L3MBTL2: variants seen among roughly 807,000 people sequenced by gnomAD.
L3MBTL2 encodes lethal(3)malignant brain tumor-like protein 2.
Under a neutral mutation model 86.4 loss-of-function variants are expected in L3MBTL2, and 49 were observed. The ratio of observed to expected loss-of-function variants is 0.57; its 90% CI spans 0.45 to 0.72. The LOEUF (loss-of-function observed/expected upper bound fraction) is 0.72, where lower values mean the gene tolerates loss of function less well. Ranked by LOEUF, L3MBTL2 falls within the 30% of genes least tolerant of loss-of-function variation. The pLI is 0.00. For missense variants in L3MBTL2, 755 were observed against 923.7 expected, an observed-to-expected ratio of 0.82 and a Z score of 2.37; for synonymous variants, 336 against 350.6, an observed-to-expected ratio of 0.96 and a Z score of 0.47.
At position 41,224,119 on chromosome 22, in the gene L3MBTL2, G is replaced by A; in HGVS notation, c.1042G>A (p.Val348Ile). Reference sequence around the variant, plus strand: ...CACTCGCATGGCTGTGGTGGACACAGTAATCGGGGGTCGCCTACGGCTCCT... The same window carrying A: ...CACTCGCATGGCTGTGGTGGACACAATAATCGGGGGTCGCCTACGGCTCCT... ...SRTRMAVVDT[V>I]IGGRLRLLYE... The change falls in exon 9 of 17, where the codon GTA becomes ATA. Residue 348 changes from valine to isoleucine, a missense_variant. Val to Ile is a conservative substitution (Grantham distance 29, BLOSUM62 3). Around this residue, in one of 3 missense-constraint regions of L3MBTL2, gnomAD observed 634 missense variants for 748.9 expected, o/e 0.85. Transcript: ENST00000216237. The surrounding 1 kb of genome is among the most constrained non-coding windows in gnomAD (Gnocchi z 4.9). 6.2e-7 allele frequency: 1 copy of A among 1,614,174 alleles called. No individual in the cohort carries two copies. The highest frequency in any genetic ancestry group is 8.5e-7 in the Non-Finnish European group (1 of 1,180,022).
chr22:41,211,573 T>TTTTTTTTTTTTTC (rs758875511), intron 2 of L3MBTL2, among the ~76,000 whole-genome samples: 6,666 of 138,116 alleles, frequency 0.048, 379 homozygotes, highest in East Asian at 0.12. Flanking sequence ...TTTTTTTTTT[T>TTTTTTTTTTTTTC]TGAGACGGAG....
intron 2 of L3MBTL2, 23 bp from the exon 3 acceptor site, chr22:41,213,870 C>T (rs1186864260): frequency 2.5e-6 from 4 of 1,613,492 alleles, no homozygotes; most frequent in East Asian, 4.5e-5. Flanking sequence ...TCGGGTGAGT[C>T]ATGTGCTAAG....
chr22:41,226,963 G>A, intron 13 of L3MBTL2, 126 bp from the exon 14 acceptor site: 1 of 843,258 alleles, frequency 1.2e-6, no homozygotes. Context: ...TCTAGAGGAA[G>A]CTGCCCCAGC....
At chr22:41,216,362 C>T (rs768630125) in intron 4 of L3MBTL2, 100 bp downstream of exon 4, 2 of 1,463,232 alleles carry the variant, frequency 1.4e-6, no homozygotes, top group Non-Finnish European at 1.8e-6. Context: ...GCAAACCGGC[C>T]AGGTAGAAAG....
chr22:41,230,073 T>TCGTCCCCCCC, intron 16 of L3MBTL2, 66 bp from the exon 17 acceptor site: 1 of 1,024,398 alleles, frequency 9.8e-7, no homozygotes, highest in South Asian at 1.4e-5. Context: ...CTTTCCCAGC[T>TCGTCCCCCCC]CCTCCGCCCC....
At chr22:41,209,644 C>A (rs2030550965) in intron 1 of L3MBTL2, 52 bp from the exon 2 acceptor site, 1 of 1,528,848 alleles carries the variant, frequency 6.5e-7, no homozygotes, top group Non-Finnish European at 9.0e-7. Context: ...TCCCCCCGTG[C>A]ACTAAAGCCA....
At chr22:41,220,663 A>C in intron 6 of L3MBTL2, 71 bp from the exon 7 acceptor site, 1 of 1,461,802 alleles carries the variant, frequency 6.8e-7, no homozygotes, top group African/African-American at 1.4e-5. Flanking sequence ...GTCTCAGAAA[A>C]AAAAAAAAAA....
intron 2 of L3MBTL2, among the ~76,000 whole-genome samples, chr22:41,210,866 A>T (rs1295334209): frequency 6.6e-6 from 1 of 152,218 alleles, no homozygotes; most frequent in Admixed American, 6.5e-5. Flanking sequence ...GCTTTTTTGT[A>T]TAAGTATACC....
At chr22:41,226,488 A>G (rs1210892361) in intron 12 of L3MBTL2, among the ~76,000 whole-genome samples, 174 bp from the exon 13 acceptor site, 1 of 152,228 alleles carries the variant, frequency 6.6e-6, no homozygotes, top group Non-Finnish European at 1.5e-5. Context: ...CCTATACAAC[A>G]GGACTGTGGT....
intron 8 of L3MBTL2, among the ~76,000 whole-genome samples, chr22:41,223,222 G>C (rs139474): frequency 0.38 from 57,667 of 152,054 alleles, 11,174 homozygotes; most frequent in Middle Eastern, 0.44. Context: ...TTCCTTCCTG[G>C]TGTGTTTGGA....
chr22:41,224,156 G>A lies in L3MBTL2; in HGVS notation c.1079G>A (p.Gly360Asp), dbSNP rs1197483302. Residue 360 changes from glycine (G) to aspartate (D), a missense_variant, in exon 9 of 17, where the codon GGT becomes GAT. Gly to Asp is a moderately conservative substitution (Grantham distance 94). Coordinates refer to ENST00000216237, the MANE Select transcript of L3MBTL2 (RefSeq NM_031488.5). This position sits in a 1 kb window ranked among gnomAD's most constrained non-coding sequence, Gnocchi z 4.9. Reference sequence around the variant, plus strand: ...CGCCTACGGCTCCTCTACGAGGATGGTGACAGTGACGACGACTTCTGGTGC... The same window carrying A: ...CGCCTACGGCTCCTCTACGAGGATGATGACAGTGACGACGACTTCTGGTGC... ...GGRLRLLYED[G>D]DSDDDFWCHM... 2.5e-5 allele frequency: 41 copies of A among 1,614,016 alleles called. No homozygotes were observed. Among genetic ancestry groups the A allele is most frequent in the African/African-American group, 4.0e-5 (3 of 74,920 alleles).
intron 1 of L3MBTL2, among the ~76,000 whole-genome samples, chr22:41,208,892 G>T (rs1038673239): frequency 2.0e-5 from 3 of 151,646 alleles, no homozygotes; most frequent in African/African-American, 7.3e-5. Flanking sequence ...ACAGGCACCC[G>T]CCACCACACC....
At chr22:41,219,384 G>A in intron 5 of L3MBTL2, 35 bp from the exon 6 acceptor site, 1 of 1,502,952 alleles carries the variant, frequency 6.7e-7, no homozygotes, top group Non-Finnish European at 9.3e-7. Flanking sequence ...AGCACAGTTA[G>A]CTCACTCTCT....
intron 1 of L3MBTL2, among the ~76,000 whole-genome samples, chr22:41,207,677 C>A (rs1359803604): frequency 1.3e-5 from 2 of 151,118 alleles, no homozygotes; most frequent in African/African-American, 4.9e-5. Context: ...TTCTTCACAC[C>A]TTTTTTTTCC....
Position 41,205,373 on chromosome 22 carries a change from C to T in L3MBTL2, c.11C>T (p.Pro4Leu). Reference sequence around the variant, plus strand: ...CGAAACTGAGGTCTCATGGAGAAGCCCCGGAGTATTGAGGTGAGAAGGCGA... The same window carrying T: ...CGAAACTGAGGTCTCATGGAGAAGCTCCGGAGTATTGAGGTGAGAAGGCGA... MEK[P>L]RSIEETPSSE... Residue 4 changes from proline (P) to leucine (L), a missense_variant, in exon 1 of 17, where the codon CCC (proline) becomes CTC (leucine). Coordinates refer to ENST00000216237, the MANE Select transcript of L3MBTL2 (RefSeq NM_031488.5). 3 of 1,614,168 alleles carry T rather than the reference C, an allele frequency of 1.9e-6. No homozygotes were observed. The highest frequency in any genetic ancestry group is 2.5e-6 in the Non-Finnish European group (3 of 1,180,036).
intron 2 of L3MBTL2, among the ~76,000 whole-genome samples, chr22:41,210,575 C>T (rs374812197): frequency 2.6e-5 from 4 of 152,174 alleles, no homozygotes; most frequent in South Asian, 2.1e-4. Flanking sequence ...GTGATCCACC[C>T]GCCTCGGCCT....
chr22:41,216,349 T>G (rs995863283), intron 4 of L3MBTL2, 87 bp downstream of exon 4: 1 of 1,518,674 alleles, frequency 6.6e-7, no homozygotes. Flanking sequence ...GAATGAAGAC[T>G]GGGCAAACCG....
chr22:41,215,945 C>G (rs974350564), intron 3 of L3MBTL2, among the ~76,000 whole-genome samples, 194 bp from the exon 4 acceptor site: 1 of 152,162 alleles, frequency 6.6e-6, no homozygotes, highest in Non-Finnish European at 1.5e-5. Context: ...CACCCCCTAG[C>G]ACCCCCGACG....
chr22:41,221,323 C>T (rs763831794), intron 8 of L3MBTL2, 36 bp downstream of exon 8: 25 of 1,507,856 alleles, frequency 1.7e-5, no homozygotes, highest in Admixed American at 7.9e-5. Flanking sequence ...TGCCTCCTTC[C>T]GCTCTTCCAT....
Sources: allele counts gnomAD v4.1 joint callset (sites outside exome capture counted in the v4.1 genomes callset), GRCh38; gene constraint gnomAD v4.1.1; regional missense constraint gnomAD v4.1.1; non-coding constraint Gnocchi (gnomAD v3.1); transcripts MANE v1.5; gene names NCBI Gene and HGNC (gene_info 2026-07-23, HGNC 2026-07-21).